Variants in FGL1 observed in about 807,000 individuals in gnomAD.
FGL1 encodes the protein fibrinogen like 1, also known as fibrinogen-like protein 1.
In FGL1, 59 loss-of-function variants were observed where a neutral mutation model predicts 43.7. The ratio of observed to expected loss-of-function variants is 1.35; its 90% confidence interval spans 1.10 to 1.68. The LOEUF (loss-of-function observed/expected upper bound fraction) is 1.68. FGL1 is among the 40% of genes most tolerant of loss of function. The pLI, the probability that FGL1 is intolerant of heterozygous loss-of-function variation, is 0.00. For missense variants in FGL1, 596 were observed against 373.0 expected, an observed-to-expected ratio of 1.60 and a Z score of -4.92; for synonymous variants, 192 against 126.5, an observed-to-expected ratio of 1.52 and a Z score of -3.48.
chr8:17,867,615 C>T (rs1053792521), intron 7 of FGL1, among the ~76,000 whole-genome samples: 2 of 152,198 alleles, frequency 1.3e-5, no homozygotes, highest in Admixed American at 6.5e-5. Context: ...GATTCGAACA[C>T]GAGCACTATG....
intron 3 of FGL1, among the ~76,000 whole-genome samples, chr8:17,878,896 A>G (rs1320337028): frequency 6.6e-6 from 1 of 150,558 alleles, no homozygotes; most frequent in Non-Finnish European, 1.5e-5. Flanking sequence ...ATTTTATACC[A>G]TATTATATAT....
rs34556303 is a variant in FGL1, at chr8:17,872,146, T to C, written c.502+1873A>G. On this transcript the variant is annotated intron_variant, in intron 5 of 7. Coordinates refer to ENST00000427924, the MANE Select transcript of FGL1 (RefSeq NM_004467.4). ...TCATAAGAAGGACATACAAAGAAAG[T>C]ATAAGGTTTCTAGGATTACTCATCC... Among the ~76,000 whole-genome samples the C allele has an allele frequency of 6.3e-3, 955 of 152,162 alleles. 10 individuals carry two copies. Among genetic ancestry groups the C allele is most frequent in the African/African-American group, 0.022 (923 of 41,522 alleles).
rs142006651 is a variant in FGL1, at chr8:17,884,625, G to A, written c.63+867C>T. On this transcript the variant is annotated intron_variant, in intron 2 of 7. Transcript: ENST00000427924. Reference sequence around the variant, plus strand: ...AAAATGAACAGCAAGAACATTTTATGGTGTCTGGGTCCTGAGTTGTTTTAC... The same window carrying A: ...AAAATGAACAGCAAGAACATTTTATAGTGTCTGGGTCCTGAGTTGTTTTAC... Among the ~76,000 whole-genome samples the A allele has an allele frequency of 6.3e-3, 955 of 152,244 alleles. 30 individuals carry two copies. The highest frequency in any genetic ancestry group is 0.041 in the Admixed American group (624 of 15,296).
rs1239393537 is a variant in FGL1 at position 17,864,487 on chromosome 8, C to T, written c.*105G>A. On this transcript the variant is annotated 3_prime_UTR_variant, in exon 8 of 8. Coordinates refer to ENST00000427924, the MANE Select transcript of FGL1 (RefSeq NM_004467.4). ...CAAGTGAGAAGAATGAAAAGCACTACTCACAACAGTTATCATGATTGCGCA... is the reference window on the plus strand; with the variant it reads ...CAAGTGAGAAGAATGAAAAGCACTATTCACAACAGTTATCATGATTGCGCA... 6.3e-6 allele frequency: 8 copies of T among 1,262,814 alleles called. No individual in the cohort carries two copies. Among genetic ancestry groups the T allele is most frequent in the South Asian group, 4.7e-5 (3 of 63,426 alleles). The allele number at this position is 1,262,814 out of a possible 1,614,324, so 78.2% of individuals were successfully genotyped here. A position where few individuals can be genotyped will look rare whatever the true frequency, so the allele number is the denominator to read the frequency against.
At chr8:17,881,205 T>A (rs1381121378) in intron 3 of FGL1, among the ~76,000 whole-genome samples, 1 of 151,142 alleles carries the variant, frequency 6.6e-6, no homozygotes, top group East Asian at 2.0e-4. Context: ...GGCACGATCT[T>A]GGCTCACTGC....
At chr8:17,885,699 G>A (rs1159130933) in intron 1 of FGL1, 128 bp from the exon 2 acceptor site, 4 of 673,234 alleles carry the variant, frequency 5.9e-6, no homozygotes, top group East Asian at 2.8e-5. Flanking sequence ...GAGTCGCCGA[G>A]GAAATTCTCC....
chr8:17,887,001 C>G (rs1268833821), intron 1 of FGL1, among the ~76,000 whole-genome samples: 1 of 152,128 alleles, frequency 6.6e-6, no homozygotes, highest in African/African-American at 2.4e-5. Context: ...TGCTGCTTCT[C>G]GTACCCTTTC....
At chr8:17,895,114 A>T (rs1396992587) in intron 1 of FGL1, 2 of 214,200 alleles carry the variant, frequency 9.3e-6, no homozygotes, top group Non-Finnish European at 1.6e-5. Flanking sequence ...AAATGTAATT[A>T]TACATATTTA....
intron 5 of FGL1, 116 bp from the exon 6 acceptor site, chr8:17,869,120 A>G (rs1177340681): frequency 5.0e-6 from 3 of 605,418 alleles, no homozygotes; most frequent in South Asian, 2.6e-5. Flanking sequence ...TTGGCCAAGA[A>G]TCAGTTTTCA....
Position 17,874,031 on chromosome 8 carries a change from A to G in FGL1, c.490T>C (p.Leu164=). 6.2e-7 allele frequency: 1 copy of G among 1,609,412 alleles called. No individual in the cohort carries two copies. Among genetic ancestry groups the G allele is most frequent in the Non-Finnish European group, 8.5e-7 (1 of 1,178,458 alleles). The change falls in exon 5 of 8, where the codon TTG becomes CTG. Residue 164 remains leucine, a synonymous_variant. Transcript: ENST00000427924. ...YWLGNKNLHF[L]TTQEDYTLKI... ...ATTCAAACCTTACCTTGAGTGGTCA[A>G]GAAGTGAAGATTTTTATTGCCCAGC...
chr8:17,883,488 A>T (rs1302655247), intron 2 of FGL1, among the ~76,000 whole-genome samples: 1,739 of 128,728 alleles, frequency 0.014, 47 homozygotes, highest in African/African-American at 0.05. Context: ...ATAATATATA[A>T]TATATTAAAT....
At chr8:17,886,318 G>C (rs1043136461) in intron 1 of FGL1, among the ~76,000 whole-genome samples, 1 of 152,168 alleles carries the variant, frequency 6.6e-6, no homozygotes, top group African/African-American at 2.4e-5. Flanking sequence ...TGGTTTGATT[G>C]AACACATGAA....
intron 5 of FGL1, among the ~76,000 whole-genome samples, chr8:17,871,491 C>CAAAAAAAAA: frequency 7.6e-6 from 1 of 131,972 alleles, no homozygotes. Context: ...AAATCTGTCT[C>CAAAAAAAAA]AAAAAAAAAA....
At chr8:17,870,997 A>G (rs1239329211) in intron 5 of FGL1, among the ~76,000 whole-genome samples, 3 of 151,400 alleles carry the variant, frequency 2.0e-5, no homozygotes, top group Non-Finnish European at 4.4e-5. Flanking sequence ...AAACAAACTC[A>G]AGGCTGTTGG....
At chr8:17,878,345 C>T (rs1447612892) in intron 3 of FGL1, among the ~76,000 whole-genome samples, 1 of 152,164 alleles carries the variant, frequency 6.6e-6, no homozygotes, top group Non-Finnish European at 1.5e-5. Context: ...ATGGGACACA[C>T]AGAGGTTATG....
rs1463332264 is a variant in FGL1, at chr8:17,882,026, C to G, written c.217G>C (p.Asp73His). The change falls in exon 3 of 8, where the codon GAT becomes CAT. Residue 73 changes from aspartate to histidine, a missense_variant. Coordinates refer to ENST00000427924, the MANE Select transcript of FGL1 (RefSeq NM_004467.4). Reference sequence around the variant, plus strand: ...GCATACTGCCTCTTGCTTCCAAGATCAATGACAGTATTCTCATCTCCTTTA... The same window carrying G: ...GCATACTGCCTCTTGCTTCCAAGATGAATGACAGTATTCTCATCTCCTTTA... Reference protein sequence around the residue: ...LDKGDENTVIDLGSKRQYADC... With the variant: ...LDKGDENTVIHLGSKRQYADC... The G allele has an allele frequency of 6.2e-7, 1 of 1,613,932 alleles. No individual in the cohort carries two copies. The highest frequency in any genetic ancestry group is 1.1e-5 in the South Asian group (1 of 91,036).
chr8:17,868,980 A>G lies in FGL1; in HGVS notation c.527T>C (p.Leu176Pro). Residue 176 changes from leucine to proline, a missense_variant, in exon 6 of 8, where the codon CTT (leucine) becomes CCT (proline). Physicochemically the swap from Leu to Pro is moderately conservative, Grantham distance 98 (BLOSUM62 -3). Coordinates refer to ENST00000427924, the MANE Select transcript of FGL1 (RefSeq NM_004467.4). Reference protein sequence around the residue: ...TQEDYTLKIDLADFEKNSRYA... With the variant: ...TQEDYTLKIDPADFEKNSRYA... Reference sequence around the variant, plus strand: ...ACGGCTATTTTTTTCAAAATCTGCAAGGTCGATTTTTAAAGTGTAGTCTTC... The same window carrying G: ...ACGGCTATTTTTTTCAAAATCTGCAGGGTCGATTTTTAAAGTGTAGTCTTC... 6.2e-7 allele frequency: 1 copy of G among 1,604,604 alleles called. No individual in the cohort carries two copies.
At chr8:17,886,111 C>G (rs1222651719) in intron 1 of FGL1, among the ~76,000 whole-genome samples, 5 of 152,188 alleles carry the variant, frequency 3.3e-5, no homozygotes, top group Non-Finnish European at 5.9e-5. Context: ...GCATTTAATT[C>G]TTGTGGTGAC....
chr8:17,875,261 G>A (rs7838153), intron 3 of FGL1, among the ~76,000 whole-genome samples: 91,139 of 151,968 alleles, frequency 0.6, 29,062 homozygotes, highest in Non-Finnish European at 0.73. Flanking sequence ...CCATGTTGGT[G>A]TGCTGCACCC....
Sources: gnomAD v4.1 joint callset for allele counts (sites outside exome capture counted in the v4.1 genomes callset) on GRCh38, gnomAD v4.1.1 for gene constraint, MANE v1.5 for transcripts, NCBI Gene and HGNC (gene_info 2026-07-23, HGNC 2026-07-21) for gene names.